The following RXFP2 variants were observed in gnomAD, a reference collection of about 807,000 sequenced individuals.
The protein encoded by RXFP2 is relaxin family peptide receptor 2, also known as relaxin receptor 2.
A neutral mutation model predicts 88.6 loss-of-function variants in RXFP2; 68 were observed. That is an observed-to-expected ratio of 0.77 (90% CI 0.63 to 0.94). The LOEUF is 0.94. Ranked by LOEUF, RXFP2 falls within the 40% of genes least tolerant of loss-of-function variation. The probability of loss-of-function intolerance (pLI) is 0.00; values close to 1 mark genes in which losing one functional copy is unlikely to be tolerated. For missense variants in RXFP2, 791 were observed against 893.9 expected, an observed-to-expected ratio of 0.88 and a Z score of 1.47; for synonymous variants, 329 against 306.8, an observed-to-expected ratio of 1.07 and a Z score of -0.76.
intron 1 of RXFP2, among the ~76,000 whole-genome samples, chr13:31,745,846 G>A (rs891472439): frequency 3.9e-5 from 6 of 152,172 alleles, no homozygotes; most frequent in East Asian, 1.9e-4. Flanking sequence ...CAGACTGTCC[G>A]TTTTCAAAGA....
intron 5 of RXFP2, among the ~76,000 whole-genome samples, chr13:31,773,373 T>A (rs1872804115): frequency 6.6e-6 from 1 of 151,928 alleles, no homozygotes; most frequent in South Asian, 2.1e-4. Context: ...ATTTGTAAAG[T>A]ACTTGGGGTA....
intron 13 of RXFP2, among the ~76,000 whole-genome samples, chr13:31,787,733 G>A (rs193262750): frequency 3.0e-4 from 45 of 152,158 alleles, no homozygotes; most frequent in East Asian, 5.8e-4. Context: ...TCCGCCTCCC[G>A]GCTTCAAGCA....
intron 8 of RXFP2, among the ~76,000 whole-genome samples, chr13:31,778,013 T>A (rs1255763539): frequency 6.6e-6 from 1 of 152,202 alleles, no homozygotes. Context: ...GGAACCACAA[T>A]ATCATAAATT....
chr13:31,792,943 G>A lies in RXFP2; in HGVS notation c.1641G>A (p.Met547Ile), dbSNP rs768535675. 1.9e-6 allele frequency: 3 copies of A among 1,614,060 alleles called. No homozygotes were observed. Among genetic ancestry groups the A allele is most frequent in the Admixed American group, 3.3e-5 (2 of 60,006 alleles). The change falls in exon 16 of 18, where the codon ATG (methionine) becomes ATA (isoleucine). Residue 547 changes from methionine (M) to isoleucine (I), a missense_variant. Coordinates refer to ENST00000298386, the MANE Select transcript of RXFP2 (RefSeq NM_130806.5). ...QTSVILICIWMAGFLIAVIPF... is the reference protein window; with the variant it reads ...QTSVILICIWIAGFLIAVIPF... Reference sequence around the variant, plus strand: ...CAGTCATCCTCATTTGCATCTGGATGGCGGGATTTTTAATAGCTGTAATTC... The same window carrying A: ...CAGTCATCCTCATTTGCATCTGGATAGCGGGATTTTTAATAGCTGTAATTC...
At chr13:31,773,378 G>A (rs1194434441) in intron 5 of RXFP2, among the ~76,000 whole-genome samples, 1 of 152,068 alleles carries the variant, frequency 6.6e-6, no homozygotes, top group East Asian at 1.9e-4. Flanking sequence ...TAAAGTACTT[G>A]GGGTAAAAGA....
At chr13:31,758,644 A>T (rs1041184885) in intron 2 of RXFP2, among the ~76,000 whole-genome samples, 17 of 152,218 alleles carry the variant, frequency 1.1e-4, no homozygotes, top group Admixed American at 9.8e-4. Context: ...TATAAAAATA[A>T]AATTATATTT....
intron 16 of RXFP2, among the ~76,000 whole-genome samples, chr13:31,796,144 G>A (rs1182424880): frequency 7.0e-6 from 1 of 143,656 alleles, no homozygotes; most frequent in East Asian, 2.0e-4. Flanking sequence ...CCGCTTCCCG[G>A]GTTCACGCCA....
chr13:31,747,921 T>G (rs1170819884), intron 1 of RXFP2, among the ~76,000 whole-genome samples: 2 of 152,146 alleles, frequency 1.3e-5, no homozygotes, highest in Non-Finnish European at 2.9e-5. Context: ...GAACAGAACA[T>G]GCTACAATCT....
Position 31,774,673 on chromosome 13 carries a change from T to C in RXFP2, c.551T>C (p.Leu184Ser). Residue 184 changes from leucine (L) to serine (S), a missense_variant, in exon 6 of 18, where the codon TTA becomes TCA. Transcript: ENST00000298386. ...ATATCCAGGAAAGCATTTTTTGGATTATGTAATCTGCAAATATTGTGAGTA... is the reference window on the plus strand; with the variant it reads ...ATATCCAGGAAAGCATTTTTTGGATCATGTAATCTGCAAATATTGTGAGTA... The part of the protein sequence containing the change: ...RHISRKAFFG[L>S]CNLQILYLNH... 6.5e-7 allele frequency: 1 copy of C among 1,532,794 alleles called. No homozygotes were observed. The highest frequency in any genetic ancestry group is 1.4e-5 in the African/African-American group (1 of 73,470). The allele number at this position is 1,532,794 out of a possible 1,614,324, so 94.9% of individuals were successfully genotyped here. A position where few individuals can be genotyped will look rare whatever the true frequency, so the allele number is the denominator to read the frequency against.
intron 1 of RXFP2, among the ~76,000 whole-genome samples, chr13:31,748,067 C>T (rs1014084702): frequency 6.6e-6 from 1 of 152,180 alleles, no homozygotes; most frequent in Non-Finnish European, 1.5e-5. Context: ...TTGTAGTTTG[C>T]TCATTTTCAA....
At chr13:31,782,810 C>A (rs1873350251) in intron 11 of RXFP2, 63 bp downstream of exon 11, 1 of 1,040,752 alleles carries the variant, frequency 9.6e-7, no homozygotes, top group Non-Finnish European at 1.5e-6. Context: ...ATTTAAATGA[C>A]TAGTGAGACT....
intron 15 of RXFP2, 65 bp from the exon 16 acceptor site, chr13:31,792,611 CTT>C (rs1873847202): frequency 2.7e-6 from 4 of 1,462,986 alleles, no homozygotes; most frequent in African/African-American, 1.4e-5. Context: ...TGGAAATAGA[CTT>C]AATCAGAAAA....
At chr13:31,774,929 T>G (rs1872878922) in intron 6 of RXFP2, among the ~76,000 whole-genome samples, 1 of 152,228 alleles carries the variant, frequency 6.6e-6, no homozygotes, top group Admixed American at 6.5e-5. Flanking sequence ...TCCACAATAT[T>G]TTAGCATTTT....
intron 1 of RXFP2, 40 bp downstream of exon 1, chr13:31,739,746 C>A: frequency 8.2e-7 from 1 of 1,220,028 alleles, no homozygotes; most frequent in Non-Finnish European, 1.2e-6. Flanking sequence ...AGTGCAATTC[C>A]CAAAAAATAC....
At chr13:31,781,447 A>T (rs990435617) in intron 9 of RXFP2, among the ~76,000 whole-genome samples, 6 of 152,150 alleles carry the variant, frequency 3.9e-5, no homozygotes, top group Non-Finnish European at 8.8e-5. Context: ...GCACAGAAAG[A>T]CGCTCGCTAA....
intron 1 of RXFP2, among the ~76,000 whole-genome samples, chr13:31,746,658 G>T (rs1415806053): frequency 6.6e-6 from 1 of 151,978 alleles, no homozygotes; most frequent in African/African-American, 2.4e-5. Flanking sequence ...TTTTTTATTC[G>T]ATTATAGCTC....
At chr13:31,799,413 TG>T (rs1874221050) in intron 17 of RXFP2, among the ~76,000 whole-genome samples, 1 of 152,110 alleles carries the variant, frequency 6.6e-6, no homozygotes, top group Non-Finnish European at 1.5e-5. Flanking sequence ...GGTTTCACCA[TG>T]TTGGCCAGGC....
In RXFP2 at chr13:31,776,119, TTTC is replaced by T. The variant is rs1464359457; in HGVS notation, c.641+733_641+735del. On this transcript the variant is annotated intron_variant, in intron 7 of 17. Transcript: ENST00000298386. ...TTCTTTTCTTTTCTTTCTTTCTTTC[TTTC>T]TTTCTTTCTTTCTTTCTTTCTCTTT... Among the ~76,000 whole-genome samples, 529 of 149,006 alleles carry T rather than the reference TTTC, an allele frequency of 3.6e-3. 5 individuals are homozygous for T. Among genetic ancestry groups the T allele is most frequent in the African/African-American group, 0.013 (516 of 40,174 alleles).
chr13:31,776,253 C>CTT (rs149978498), intron 7 of RXFP2, among the ~76,000 whole-genome samples: 2,655 of 84,386 alleles, frequency 0.031, 262 homozygotes, highest in South Asian at 0.12. Context: ...CTCTTTCCTT[C>CTT]TTTTTTTTTT....
Sources: gnomAD v4.1 joint callset for allele counts (sites outside exome capture counted in the v4.1 genomes callset) on GRCh38, gnomAD v4.1.1 for gene constraint, MANE v1.5 for transcripts, NCBI Gene and HGNC (gene_info 2026-07-23, HGNC 2026-07-21) for gene names.